The following CEP295 variants were observed in gnomAD, a reference collection of about 807,000 sequenced individuals.
CEP295 encodes the protein centrosomal protein 295.
In CEP295, 190 loss-of-function variants were observed where a neutral mutation model predicts 291.6. The ratio of observed to expected loss-of-function variants is 0.65; its 90% CI spans 0.58 to 0.73. The LOEUF is 0.73. CEP295 is among the 30% of genes least tolerant of loss of function. CEP295 has a pLI of 0.00. For synonymous variants in CEP295, 993 were observed against 1,038.8 expected (o/e 0.96, Z 0.85); for missense variants, 2,863 against 2,949.4 (o/e 0.97, Z 0.68).
In CEP295 at chr11:93,695,567, G is replaced by A. The variant is rs368760569; in HGVS notation, c.1604G>A (p.Arg535Lys). The change falls in exon 13 of 30, where the codon AGA becomes AAA. Residue 535 changes from arginine to lysine, a missense_variant. This residue lies in a region of CEP295 where 2,295 missense variants were observed against 2,335.7 expected (regional missense o/e 0.98). Transcript: ENST00000325212. ...GAACAAATTGAACAGCAGAAATTAA[G>A]ATTAGAAACTGACTGCTTCAGGGCT... ...LLEQIEQQKL[R>K]LETDCFRAQL... 11 of 1,489,770 alleles carry A rather than the reference G, an allele frequency of 7.4e-6. No homozygotes were observed. The highest frequency in any genetic ancestry group is 9.8e-6 in the Non-Finnish European group (11 of 1,127,612). 92.3% of individuals were successfully genotyped at this position (1,489,770 alleles called of 1,614,324 possible).
At chr11:93,682,247 A>G (rs932517460) in intron 7 of CEP295, among the ~76,000 whole-genome samples, 2 of 152,066 alleles carry the variant, frequency 1.3e-5, no homozygotes, top group African/African-American at 4.8e-5. Context: ...TTTTTGAGAC[A>G]GTGTCTCACT....
chr11:93,725,996 T>A (rs1243926846), intron 23 of CEP295, among the ~76,000 whole-genome samples, 165 bp downstream of exon 23: 5 of 152,248 alleles, frequency 3.3e-5, no homozygotes, highest in Admixed American at 1.3e-4. Context: ...TGCATTTTTT[T>A]AAACAATACT....
chr11:93,725,792 GT>G lies in CEP295; in HGVS notation c.6462del (p.Gly2155GlufsTer51). 6.4e-7 allele frequency: 1 copy of G among 1,551,454 alleles called. No homozygotes were observed. The highest frequency in any genetic ancestry group is 8.7e-7 in the Non-Finnish European group (1 of 1,146,960). ...NQQPDTNLAHVGAHSFATENI... is the reference protein window; with the variant it reads ...NQQPDTNLAHXGAHSFATENI... Reference sequence around the variant, plus strand: ...ACAACCTGACACTAACTTGGCTCATGTTGGAGCTCACAGTTTTGCTACAGAA... The same window carrying G: ...ACAACCTGACACTAACTTGGCTCATGTGGAGCTCACAGTTTTGCTACAGAA... On this transcript the variant is annotated frameshift_variant, in exon 23 of 30. Coordinates refer to ENST00000325212, the MANE Select transcript of CEP295 (RefSeq NM_033395.2). LOFTEE classifies it high-confidence loss of function.
chr11:93,662,097 G>C (rs542469614), intron 1 of CEP295, among the ~76,000 whole-genome samples: 9 of 152,322 alleles, frequency 5.9e-5, no homozygotes, highest in South Asian at 2.1e-4. Context: ...GCTTCCCCCA[G>C]ATCACCCGCG....
chr11:93,696,040 G>A (rs557665378), intron 13 of CEP295, among the ~76,000 whole-genome samples: 11 of 152,214 alleles, frequency 7.2e-5, no homozygotes, highest in Admixed American at 2.6e-4. Flanking sequence ...TATAATGTAT[G>A]TATATATGAA....
chr11:93,716,330 C>T (rs948093690), intron 18 of CEP295, among the ~76,000 whole-genome samples: 5 of 152,162 alleles, frequency 3.3e-5, no homozygotes, highest in African/African-American at 7.2e-5. Context: ...ATTCTCTCTC[C>T]GCACCATGTG....
At chr11:93,719,158 CATA>C (rs1259255381) in intron 18 of CEP295, among the ~76,000 whole-genome samples, 1 of 150,848 alleles carries the variant, frequency 6.6e-6, no homozygotes, top group Non-Finnish European at 1.5e-5. Context: ...CTTCATTAAT[CATA>C]ATATATATTA....
At chr11:93,667,229 T>C (rs763681866) in intron 2 of CEP295, among the ~76,000 whole-genome samples, 25 of 152,332 alleles carry the variant, frequency 1.6e-4, no homozygotes, top group Middle Eastern at 3.4e-3. Context: ...CACCATTCTG[T>C]CTAGAATCAG....
intron 10 of CEP295, among the ~76,000 whole-genome samples, chr11:93,689,527 T>G (rs906683201): frequency 1.3e-5 from 2 of 152,160 alleles, no homozygotes; most frequent in African/African-American, 4.8e-5. Flanking sequence ...CTCACTTCCT[T>G]CACATGTTTA....
At chr11:93,669,316 A>G (rs548545897) in intron 4 of CEP295, among the ~76,000 whole-genome samples, 197 of 152,246 alleles carry the variant, frequency 1.3e-3, no homozygotes, top group Non-Finnish European at 2.3e-3. Context: ...GCATGTTGTA[A>G]AAATTAAAGG....
At chr11:93,706,946 A>C (rs1299506140) in intron 18 of CEP295, 49 bp downstream of exon 18, 9 of 1,392,310 alleles carry the variant, frequency 6.5e-6, no homozygotes, top group African/African-American at 1.5e-5. Flanking sequence ...ATATGTGGAC[A>C]AAAGATATTT....
intron 21 of CEP295, 86 bp from the exon 22 acceptor site, chr11:93,724,168 A>T: frequency 8.0e-7 from 1 of 1,245,766 alleles, no homozygotes; most frequent in South Asian, 1.4e-5. Context: ...ATATGTTCTT[A>T]ATACTCCTTT....
intron 3 of CEP295, among the ~76,000 whole-genome samples, chr11:93,668,256 T>A (rs1469196566): frequency 6.6e-6 from 1 of 152,176 alleles, no homozygotes; most frequent in Non-Finnish European, 1.5e-5. Flanking sequence ...AGTCCCAGAA[T>A]CAGTCACATA....
chr11:93,675,125 C>A (rs1181365741), intron 5 of CEP295, among the ~76,000 whole-genome samples: 1 of 151,968 alleles, frequency 6.6e-6, no homozygotes. Flanking sequence ...ATTCAAAATA[C>A]GTCATTAAAC....
In CEP295 at chr11:93,726,961, A is replaced by AATT. The variant is rs111539793; in HGVS notation, c.6500-14_6500-12dup. 1,363 of 1,475,772 alleles carry AATT rather than the reference A, an allele frequency of 9.2e-4. 13 individuals carry two copies. In the African/African-American group the frequency reaches 0.017, roughly 18 times the overall value. The allele number at this position is 1,475,772 out of a possible 1,614,324, so 91.4% of individuals were successfully genotyped here. On this transcript the variant is annotated splice_polypyrimidine_tract_variant and intron_variant, in intron 23 of 29. Coordinates refer to ENST00000325212, the MANE Select transcript of CEP295 (RefSeq NM_033395.2). Reference sequence around the variant, plus strand: ...TGTAACGATGATTAACTGATTTTTGAATTTCTTAATGCAGGATCTGAACAA... The same window carrying AATT: ...TGTAACGATGATTAACTGATTTTTGAATTATTTCTTAATGCAGGATCTGAACAA...
At chr11:93,675,730 A>G (rs1252410400) in intron 6 of CEP295, 64 bp downstream of exon 6, 5 of 845,320 alleles carry the variant, frequency 5.9e-6, no homozygotes, top group Non-Finnish European at 7.3e-6. Flanking sequence ...GAATTGAATT[A>G]TATCTTAGTT....
chr11:93,681,416 T>TTTTTTTTTTG (rs1950956811), intron 7 of CEP295, among the ~76,000 whole-genome samples: 1 of 109,508 alleles, frequency 9.1e-6, no homozygotes, highest in African/African-American at 3.4e-5. Context: ...TTTTTTTTTT[T>TTTTTTTTTTG]TTTTTTTTTT....
chr11:93,681,053 A>G lies in CEP295; in HGVS notation c.765+1501A>G, dbSNP rs937497165. ...TTCTCCCCATCTAAGGTTTAAACCT[A>G]TAGTAAAACAGACACAAAAAGCAGT... On this transcript the variant is annotated intron_variant, in intron 7 of 29. Coordinates refer to ENST00000325212, the MANE Select transcript of CEP295 (RefSeq NM_033395.2). Among the ~76,000 whole-genome samples the G allele has an allele frequency of 3.9e-5, 6 of 152,338 alleles. No homozygotes were observed. In the East Asian group the frequency reaches 5.8e-4, roughly 15 times the overall value.
Position 93,670,451 on chromosome 11 carries a change from C to T in CEP295, c.528+681C>T, listed in dbSNP as rs1023782522. Among the ~76,000 whole-genome samples, 33 of 152,064 alleles carry T rather than the reference C, an allele frequency of 2.2e-4. 1 individual carries two copies. The highest frequency in any genetic ancestry group is 7.2e-4 in the African/African-American group (30 of 41,510). On this transcript the variant is annotated intron_variant, in intron 5 of 29. Transcript: ENST00000325212. Reference sequence around the variant, plus strand: ...TTAAAATACTTGTTCTCCACATTAGCTTGTTATAGTTATTGAAATGGCTAT... The same window carrying T: ...TTAAAATACTTGTTCTCCACATTAGTTTGTTATAGTTATTGAAATGGCTAT...
Sources: gnomAD v4.1 joint callset for allele counts (sites outside exome capture counted in the v4.1 genomes callset) on GRCh38, gnomAD v4.1.1 for gene constraint, gnomAD v4.1.1 regional missense constraint, MANE v1.5 for transcripts, NCBI Gene and HGNC (gene_info 2026-07-23, HGNC 2026-07-21) for gene names.